IMMP2L: variants seen among roughly 807,000 people sequenced by gnomAD.
The protein encoded by IMMP2L is mitochondrial inner membrane protease subunit 2.
Under a neutral mutation model 19.3 loss-of-function variants are expected in IMMP2L, and 18 were observed. That is an observed-to-expected ratio of 0.93 (90% CI 0.64 to 1.38). The LOEUF (loss-of-function observed/expected upper bound fraction) is 1.38. Ranked by LOEUF, IMMP2L falls within the 40% of genes most tolerant of loss-of-function variation. The pLI, the probability that IMMP2L is intolerant of heterozygous loss-of-function variation, is 0.00. For missense variants in IMMP2L, 233 were observed against 218.2 expected, an observed-to-expected ratio of 1.07 and a Z score of -0.43; for synonymous variants, 76 against 73.0, an observed-to-expected ratio of 1.04 and a Z score of -0.21.
At chr7:111,475,176 C>T (rs1278616021) in intron 3 of IMMP2L, among the ~76,000 whole-genome samples, 1 of 152,044 alleles carries the variant, frequency 6.6e-6, no homozygotes. Context: ...TATGAGTAAA[C>T]CTGTCACTAG....
intron 3 of IMMP2L, among the ~76,000 whole-genome samples, chr7:111,278,137 T>TG (rs1287629286): frequency 1.3e-5 from 2 of 152,136 alleles, no homozygotes; most frequent in Non-Finnish European, 2.9e-5. Context: ...ACTCAATATT[T>TG]GGGTGATGGG....
intron 3 of IMMP2L, among the ~76,000 whole-genome samples, chr7:111,216,434 A>G (rs1811930053): frequency 6.6e-6 from 1 of 152,188 alleles, no homozygotes; most frequent in South Asian, 2.1e-4. Flanking sequence ...GCATAAATTT[A>G]TGGCGTACAA....
chr7:110,916,002 T>A (rs1171993070), intron 4 of IMMP2L, among the ~76,000 whole-genome samples: 2 of 152,190 alleles, frequency 1.3e-5, no homozygotes, highest in East Asian at 3.9e-4. Flanking sequence ...CCAATACTTT[T>A]CTAACTCTGC....
chr7:111,521,495 T>TG, intron 1 of IMMP2L, 46 bp from the exon 2 acceptor site: 1 of 1,544,218 alleles, frequency 6.5e-7, no homozygotes, highest in Non-Finnish European at 8.7e-7. Context: ...TCAAGAAAGG[T>TG]GAAAAACAAA....
At chr7:111,257,699 C>G (rs1816865143) in intron 3 of IMMP2L, among the ~76,000 whole-genome samples, 1 of 152,048 alleles carries the variant, frequency 6.6e-6, no homozygotes, top group Admixed American at 6.6e-5. Flanking sequence ...CTTAAACTAG[C>G]TTATTTGCTT....
intron 3 of IMMP2L, among the ~76,000 whole-genome samples, chr7:111,291,118 T>G (rs1821057641): frequency 6.6e-6 from 1 of 152,124 alleles, no homozygotes; most frequent in Admixed American, 6.5e-5. Context: ...TGAGGCCAGC[T>G]GCTTAAGAAA....
intron 3 of IMMP2L, among the ~76,000 whole-genome samples, chr7:111,313,627 C>T (rs915612108): frequency 9.9e-5 from 15 of 152,226 alleles, no homozygotes; most frequent in African/African-American, 3.4e-4. Context: ...ATGTTCCTGA[C>T]ATTGTGACAA....
At chr7:111,117,238 G>C (rs1219535309) in intron 3 of IMMP2L, among the ~76,000 whole-genome samples, 4 of 152,096 alleles carry the variant, frequency 2.6e-5, no homozygotes, top group Non-Finnish European at 2.9e-5. Flanking sequence ...ACATTCAATT[G>C]TTAGACACCT....
At chr7:111,285,913 C>A (rs1207225238) in intron 3 of IMMP2L, among the ~76,000 whole-genome samples, 1 of 152,100 alleles carries the variant, frequency 6.6e-6, no homozygotes, top group Non-Finnish European at 1.5e-5. Context: ...ACAACAATAA[C>A]CCTGAAAGTC....
At chr7:111,236,493 T>G (rs1338054851) in intron 3 of IMMP2L, among the ~76,000 whole-genome samples, 1 of 152,178 alleles carries the variant, frequency 6.6e-6, no homozygotes, top group Non-Finnish European at 1.5e-5. Context: ...TATGGGAACA[T>G]GAATAATTCC....
chr7:110,673,605 C>T (rs192864579), intron 5 of IMMP2L, among the ~76,000 whole-genome samples: 43 of 152,248 alleles, frequency 2.8e-4, no homozygotes, highest in African/African-American at 8.4e-4. Flanking sequence ...AAATTTCTTC[C>T]GGCAGATATC....
chr7:111,457,251 CT>C (rs1226581606), intron 3 of IMMP2L, among the ~76,000 whole-genome samples: 1 of 114,844 alleles, frequency 8.7e-6, no homozygotes. Flanking sequence ...AGGTCTTTTC[CT>C]AACTAAAAAC....
intron 3 of IMMP2L, among the ~76,000 whole-genome samples, chr7:111,258,641 G>A (rs1055990304): frequency 1.3e-5 from 2 of 151,856 alleles, no homozygotes; most frequent in African/African-American, 4.8e-5. Flanking sequence ...CAAGTAGCTG[G>A]AATTACAGGT....
At chr7:110,848,673 TA>T (rs1424120410) in intron 5 of IMMP2L, among the ~76,000 whole-genome samples, 1 of 152,110 alleles carries the variant, frequency 6.6e-6, no homozygotes, top group Non-Finnish European at 1.5e-5. Context: ...TTTCAGCAGG[TA>T]AATGGATAAG....
At chr7:111,477,742 T>C (rs918523142) in intron 3 of IMMP2L, among the ~76,000 whole-genome samples, 1 of 151,840 alleles carries the variant, frequency 6.6e-6, no homozygotes, top group African/African-American at 2.4e-5. Flanking sequence ...CTACTAAAAA[T>C]AAAAAATTAA....
At chr7:111,001,212 T>C (rs1823647098) in intron 3 of IMMP2L, among the ~76,000 whole-genome samples, 1 of 152,172 alleles carries the variant, frequency 6.6e-6, no homozygotes, top group Non-Finnish European at 1.5e-5. Flanking sequence ...AAAACACCTG[T>C]CTGTTGTTAT....
chr7:111,334,746 G>A (rs186877287), intron 3 of IMMP2L, among the ~76,000 whole-genome samples: 1 of 152,048 alleles, frequency 6.6e-6, no homozygotes, highest in East Asian at 1.9e-4. Context: ...GAAGTTGATG[G>A]CACTGATTGC....
At chr7:111,032,177 G>C (rs1325136212) in intron 3 of IMMP2L, among the ~76,000 whole-genome samples, 1 of 152,114 alleles carries the variant, frequency 6.6e-6, no homozygotes, top group African/African-American at 2.4e-5. Flanking sequence ...CTGGGCTTAA[G>C]GTATCCGCCT....
chr7:110,971,050 G>A (rs1279065030), intron 3 of IMMP2L, among the ~76,000 whole-genome samples: 1 of 152,120 alleles, frequency 6.6e-6, no homozygotes, highest in Non-Finnish European at 1.5e-5. Context: ...ATGGCACAGA[G>A]AAGGCAAACC....
Sources: allele counts gnomAD v4.1 joint callset (sites outside exome capture counted in the v4.1 genomes callset), GRCh38; gene constraint gnomAD v4.1.1; transcripts MANE v1.5; gene names NCBI Gene and HGNC (gene_info 2026-07-23, HGNC 2026-07-21).